Variants in UHMK1 observed in about 807,000 individuals in gnomAD.
UHMK1 encodes serine/threonine-protein kinase Kist.
Under a neutral mutation model 44.0 loss-of-function variants are expected in UHMK1, and 18 were observed. That is an observed-to-expected ratio of 0.41 (90% CI 0.28 to 0.61). UHMK1 has a LOEUF of 0.61. Among genes scored for constraint, UHMK1 ranks in the 20% least tolerant of loss-of-function variants. The pLI, the probability that UHMK1 is intolerant of heterozygous loss-of-function variation, is 0.31. For missense variants in UHMK1, 463 were observed against 522.5 expected (o/e 0.89, Z 1.11); for synonymous variants, 231 against 198.5 (o/e 1.16, Z -1.38).
chr1:162,520,722 T>C (rs534395913), intron 7 of UHMK1, among the ~76,000 whole-genome samples: 9 of 152,234 alleles, frequency 5.9e-5, no homozygotes, highest in African/African-American at 2.2e-4. Context: ...GGAGATTAGA[T>C]CAGAGAGATT....
At chr1:162,513,586 T>C (rs1033217140) in intron 6 of UHMK1, among the ~76,000 whole-genome samples, 37 of 152,158 alleles carry the variant, frequency 2.4e-4, no homozygotes, top group African/African-American at 8.9e-4. Flanking sequence ...TAGTAACTGG[T>C]GAATGCTTCT....
chr1:162,503,144 A>T (rs1651336798), intron 3 of UHMK1, among the ~76,000 whole-genome samples: 2 of 152,152 alleles, frequency 1.3e-5, no homozygotes, highest in African/African-American at 2.4e-5. Context: ...ACCCTGAGTC[A>T]CCTATTATAC....
At chr1:162,505,116 T>A (rs918600833) in intron 4 of UHMK1, among the ~76,000 whole-genome samples, 6 of 152,170 alleles carry the variant, frequency 3.9e-5, no homozygotes, top group African/African-American at 1.4e-4. Flanking sequence ...TAACTGTAAC[T>A]TTTTTACTTT....
chr1:162,522,056 G>A (rs189820), intron 7 of UHMK1, among the ~76,000 whole-genome samples: 11,623 of 69,532 alleles, frequency 0.17, 1,457 homozygotes, highest in African/African-American at 0.38. Flanking sequence ...CTATTCAGCC[G>A]TATCTTTGGC....
intron 4 of UHMK1, among the ~76,000 whole-genome samples, chr1:162,505,592 C>T (rs1167982145): frequency 6.6e-6 from 1 of 152,066 alleles, no homozygotes; most frequent in Non-Finnish European, 1.5e-5. Flanking sequence ...TGTCGCTAGG[C>T]GATAGGAATT....
chr1:162,503,857 C>T lies in UHMK1; in HGVS notation c.848+9C>T. On this transcript the variant is annotated intron_variant, in intron 4 of 7. Transcript: ENST00000489294. ...AGAGACCTTATCAAAAGGTATGTTA[C>T]ACGTACCATAAACTTGCTTTGCATT... is the stretch of plus-strand genomic sequence containing the variant. The T allele has an allele frequency of 6.2e-7, 1 of 1,608,216 alleles. No homozygotes were observed. The highest frequency in any genetic ancestry group is 8.5e-7 in the Non-Finnish European group (1 of 1,175,144).
At chr1:162,504,033 C>T (rs1428282895) in intron 4 of UHMK1, among the ~76,000 whole-genome samples, 185 bp downstream of exon 4, 1 of 152,116 alleles carries the variant, frequency 6.6e-6, no homozygotes, top group Non-Finnish European at 1.5e-5. Flanking sequence ...TTAAGCTTTT[C>T]CTGGCAGCTG....
At position 162,497,948 on chromosome 1, in the gene UHMK1, G is replaced by C; in HGVS notation, c.-53G>C. On this transcript the variant is annotated 5_prime_UTR_variant, in exon 1 of 8. Transcript: ENST00000489294. The stretch of plus-strand genomic sequence containing the variant: ...GGAGATGTGACCGCGGGCCCGGCCG[G>C]CCTGCCTCAGGCGTCGCGTCAGCTC... 6.9e-7 allele frequency: 1 copy of C among 1,439,560 alleles called. No individual in the cohort carries two copies. The highest frequency in any genetic ancestry group is 9.1e-7 in the Non-Finnish European group (1 of 1,097,438). The allele number at this position is 1,439,560 out of a possible 1,614,324, so 89.2% of individuals were successfully genotyped here.
rs2101691525 is a variant in UHMK1, at chr1:162,527,700, T to C, written c.*5150T>C. On this transcript the variant is annotated 3_prime_UTR_variant, in exon 8 of 8. Coordinates refer to ENST00000489294, the MANE Select transcript of UHMK1 (RefSeq NM_175866.5). ...GAGTGTTATTTCCCATTAAATTGGG[T>C]AGCTGTCACAATAACCAGAAGAAAT... The C allele has an allele frequency of 6.6e-6, 1 of 152,188 alleles. No homozygotes were observed. The highest frequency in any genetic ancestry group is 1.5e-5 in the Non-Finnish European group (1 of 67,930). 9.4% of individuals were successfully genotyped at this position (152,188 alleles called of 1,614,324 possible).
chr1:162,522,425 G>T lies in UHMK1; in HGVS notation c.1135G>T (p.Ala379Ser). The T allele has an allele frequency of 6.2e-7, 1 of 1,614,150 alleles. No individual in the cohort carries two copies. The highest frequency in any genetic ancestry group is 8.5e-7 in the Non-Finnish European group (1 of 1,180,022). Residue 379 changes from alanine (A) to serine (S), a missense_variant, in exon 8 of 8, where the codon GCT becomes TCT. By Grantham distance (99) the Ala-to-Ser change is moderately conservative. Coordinates refer to ENST00000489294, the MANE Select transcript of UHMK1 (RefSeq NM_175866.5). ...RGQVFVEYAN[A>S]GDSKAAQKLL... The stretch of plus-strand genomic sequence containing the variant: ...TCAGGTCTTTGTTGAGTATGCAAAT[G>T]CTGGTGATTCCAAAGCTGCGCAGAA...
chr1:162,527,731 G>T lies in UHMK1; in HGVS notation c.*5181G>T, dbSNP rs1218360821. 6.6e-6 allele frequency: 1 copy of T among 151,902 alleles called. No homozygotes were observed. Among genetic ancestry groups the T allele is most frequent in the Non-Finnish European group, 1.5e-5 (1 of 67,910 alleles). 9.4% of individuals were successfully genotyped at this position (151,902 alleles called of 1,614,324 possible). On this transcript the variant is annotated 3_prime_UTR_variant, in exon 8 of 8. Coordinates refer to ENST00000489294, the MANE Select transcript of UHMK1 (RefSeq NM_175866.5). Reference sequence around the variant, plus strand: ...TCACAATAACCAGAAGAAATCTTGTGGCCCTTTTGAAGAAAGCCATGTATG... The same window carrying T: ...TCACAATAACCAGAAGAAATCTTGTTGCCCTTTTGAAGAAAGCCATGTATG...
At position 162,498,018 on chromosome 1, in the gene UHMK1, C is replaced by T. The variant is rs769857830; in HGVS notation, c.18C>T (p.Cys6=). MAGSG[C]AWGAEPPRFL... is the part of the protein sequence containing the mutation. ...CCACACCGATGGCGGGATCCGGCTG[C>T]GCCTGGGGCGCGGAGCCGCCGCGTT... The change falls in exon 1 of 8, where the codon TGC becomes TGT. Residue 6 remains cysteine, a synonymous_variant. Transcript: ENST00000489294. 5 of 1,593,132 alleles carry T rather than the reference C, an allele frequency of 3.1e-6. No individual in the cohort carries two copies. The highest frequency in any genetic ancestry group is 2.3e-5 in the East Asian group (1 of 44,070).
chr1:162,509,398 AC>A (rs1347692222), intron 4 of UHMK1, among the ~76,000 whole-genome samples: 1 of 152,068 alleles, frequency 6.6e-6, no homozygotes, highest in African/African-American at 2.4e-5. Flanking sequence ...GATTACTCCA[AC>A]CTCTTATGAT....
intron 3 of UHMK1, among the ~76,000 whole-genome samples, chr1:162,501,482 CT>C (rs910832045): frequency 6.6e-6 from 1 of 152,040 alleles, no homozygotes; most frequent in African/African-American, 2.4e-5. Flanking sequence ...TATGATGATT[CT>C]TTTAGAGAAC....
At chr1:162,521,306 G>C (rs138498779) in intron 7 of UHMK1, among the ~76,000 whole-genome samples, 4 of 152,080 alleles carry the variant, frequency 2.6e-5, no homozygotes, top group Non-Finnish European at 5.9e-5. Flanking sequence ...GAAAAGTATA[G>C]CCTATCTGAA....
At chr1:162,508,637 G>A (rs11804523) in intron 4 of UHMK1, among the ~76,000 whole-genome samples, 29,279 of 151,496 alleles carry the variant, frequency 0.19, 3,443 homozygotes, top group Admixed American at 0.27. Flanking sequence ...TGGAGGCGGA[G>A]GTTGCAGTGA....
chr1:162,523,006 A>G lies in UHMK1; in HGVS notation c.*456A>G, dbSNP rs1652117352. ...AAGCTGGCACTGGATGCTCTCAGTAATGTTAAGTAATTGTCAAGCAGCAGT... is the reference window on the plus strand; with the variant it reads ...AAGCTGGCACTGGATGCTCTCAGTAGTGTTAAGTAATTGTCAAGCAGCAGT... On this transcript the variant is annotated 3_prime_UTR_variant, in exon 8 of 8. Coordinates refer to ENST00000489294, the MANE Select transcript of UHMK1 (RefSeq NM_175866.5). 6.3e-6 allele frequency: 1 copy of G among 157,894 alleles called. No homozygotes were observed. The highest frequency in any genetic ancestry group is 1.9e-4 in the East Asian group (1 of 5,354). The allele number at this position is 157,894 out of a possible 1,614,324, so 9.8% of individuals were successfully genotyped here. A position where few individuals can be genotyped will look rare whatever the true frequency, so the allele number is the denominator to read the frequency against.
At chr1:162,506,010 C>T (rs547124723) in intron 4 of UHMK1, among the ~76,000 whole-genome samples, 662 of 152,164 alleles carry the variant, frequency 4.4e-3, no homozygotes, top group East Asian at 0.018. Flanking sequence ...TGATTTATTC[C>T]TATTTCACCA....
At chr1:162,518,948 C>T (rs1410091835) in intron 7 of UHMK1, among the ~76,000 whole-genome samples, 1 of 151,072 alleles carries the variant, frequency 6.6e-6, no homozygotes, top group Non-Finnish European at 1.5e-5. Flanking sequence ...GAGGTCATGC[C>T]ACTGCACTCC....
Sources: gnomAD v4.1 joint callset for allele counts (sites outside exome capture counted in the v4.1 genomes callset) on GRCh38, gnomAD v4.1.1 for gene constraint, MANE v1.5 for transcripts, NCBI Gene and HGNC (gene_info 2026-07-23, HGNC 2026-07-21) for gene names.